KCNC2: variants seen among roughly 807,000 people sequenced by gnomAD.
The protein encoded by KCNC2 is voltage-gated potassium channel KCNC2.
In KCNC2, 21 loss-of-function variants were observed where a neutral mutation model predicts 44.5. That is an observed-to-expected ratio of 0.47 (90% CI 0.33 to 0.68). The LOEUF (loss-of-function observed/expected upper bound fraction) is 0.68, where lower values mean the gene tolerates loss of function less well. Ranked by LOEUF, KCNC2 falls within the 30% of genes least tolerant of loss-of-function variation. The pLI, the probability that KCNC2 is intolerant of heterozygous loss-of-function variation, is 0.01. For missense variants in KCNC2, 589 were observed against 826.2 expected (o/e 0.71, Z 3.52); for synonymous variants, 391 against 339.1 (o/e 1.15, Z -1.68).
chr12:75,060,972 C>T (rs1882261122), intron 2 of KCNC2, among the ~76,000 whole-genome samples: 1 of 152,126 alleles, frequency 6.6e-6, no homozygotes, highest in South Asian at 2.1e-4. Flanking sequence ...ACTCAGTAAT[C>T]ACACAGTCTT....
At chr12:75,145,681 G>A (rs1889971713) in intron 2 of KCNC2, among the ~76,000 whole-genome samples, 1 of 152,066 alleles carries the variant, frequency 6.6e-6, no homozygotes, top group Admixed American at 6.5e-5. Context: ...AAGGATAGTA[G>A]AAAGATAATT....
intron 4 of KCNC2, among the ~76,000 whole-genome samples, chr12:75,047,887 A>G (rs183837891): frequency 6.6e-6 from 1 of 152,232 alleles, no homozygotes; most frequent in East Asian, 1.9e-4. Context: ...TAATATTTAC[A>G]TATTCCATTC....
At chr12:75,110,132 T>A (rs952316699) in intron 2 of KCNC2, among the ~76,000 whole-genome samples, 3 of 151,928 alleles carry the variant, frequency 2.0e-5, no homozygotes, top group African/African-American at 7.2e-5. Flanking sequence ...AAGCCAACAA[T>A]AGACAAAACG....
chr12:75,101,735 G>T lies in KCNC2; in HGVS notation c.688-50418C>A, dbSNP rs187815266. The stretch of plus-strand genomic sequence containing the variant: ...GGTGTAAGACTAGTAATACTATAGG[G>T]TTCTTCCTTATTCTCAGCACCAGTG... On this transcript the variant is annotated intron_variant, in intron 2 of 4. Coordinates refer to ENST00000549446, the MANE Select transcript of KCNC2 (RefSeq NM_139137.4). Among the ~76,000 whole-genome samples the T allele has an allele frequency of 2.5e-4, 38 of 152,064 alleles. No homozygotes were observed. The East Asian group carries it at 7.1e-3, about 29-fold the overall frequency.
At chr12:75,108,867 T>C (rs1416106872) in intron 2 of KCNC2, among the ~76,000 whole-genome samples, 1 of 152,188 alleles carries the variant, frequency 6.6e-6, no homozygotes, top group African/African-American at 2.4e-5. Context: ...ATAGGAAATA[T>C]TATTCCAAAA....
At chr12:75,056,325 A>C (rs1389185125) in intron 2 of KCNC2, among the ~76,000 whole-genome samples, 2 of 152,080 alleles carry the variant, frequency 1.3e-5, no homozygotes, top group African/African-American at 4.8e-5. Context: ...AAACTTAAAA[A>C]ATATAAGGCT....
At chr12:75,134,251 G>A (rs1264902787) in intron 2 of KCNC2, among the ~76,000 whole-genome samples, 1 of 151,826 alleles carries the variant, frequency 6.6e-6, no homozygotes, top group Non-Finnish European at 1.5e-5. Flanking sequence ...TTAAAGCATA[G>A]TGAACTGCCT....
chr12:75,177,198 G>T (rs1892249778), intron 2 of KCNC2, among the ~76,000 whole-genome samples: 1 of 151,554 alleles, frequency 6.6e-6, no homozygotes, highest in Non-Finnish European at 1.5e-5. Context: ...TTAATGGGAA[G>T]ATTTACGTTA....
chr12:75,171,003 T>C (rs115885221), intron 2 of KCNC2, among the ~76,000 whole-genome samples: 68 of 151,868 alleles, frequency 4.5e-4, no homozygotes, highest in African/African-American at 1.6e-3. Context: ...TTTCAGTTCC[T>C]AGAGGCCACT....
At position 75,103,467 on chromosome 12, in the gene KCNC2, C is replaced by G. The variant is rs921667883; in HGVS notation, c.688-52150G>C. ...TTCTTATTCTTCACTGCCAGGGGTA[C>G]TTTTATATTGTCACTTAATATCAAC... On this transcript the variant is annotated intron_variant, in intron 2 of 4. Transcript: ENST00000549446. Among the ~76,000 whole-genome samples, 4 of 152,124 alleles carry G rather than the reference C, an allele frequency of 2.6e-5. No homozygotes were observed. In the East Asian group the frequency reaches 5.8e-4, roughly 22 times the overall value.
intron 2 of KCNC2, among the ~76,000 whole-genome samples, chr12:75,140,458 G>A (rs1385684730): frequency 6.6e-6 from 1 of 152,122 alleles, no homozygotes; most frequent in Non-Finnish European, 1.5e-5. Context: ...AATAGTAAAA[G>A]TTAGAATAGT....
chr12:75,085,730 C>T (rs2137103717), intron 2 of KCNC2, among the ~76,000 whole-genome samples: 1 of 152,082 alleles, frequency 6.6e-6, no homozygotes, highest in African/African-American at 2.4e-5. Context: ...TACTTATAGG[C>T]CTTTACTTCA....
intron 2 of KCNC2, among the ~76,000 whole-genome samples, chr12:75,116,188 AG>A (rs1249985650): frequency 1.3e-5 from 2 of 152,186 alleles, no homozygotes; most frequent in Non-Finnish European, 2.9e-5. Flanking sequence ...TCACCATTTG[AG>A]GGTCATCAAG....
intron 2 of KCNC2, among the ~76,000 whole-genome samples, chr12:75,088,105 C>T (rs2137116253): frequency 6.6e-6 from 1 of 152,076 alleles, no homozygotes; most frequent in African/African-American, 2.4e-5. Flanking sequence ...AACATATTTA[C>T]TCTCATCTGT....
intron 2 of KCNC2, among the ~76,000 whole-genome samples, chr12:75,052,446 T>C (rs948095038): frequency 4.6e-5 from 7 of 152,106 alleles, no homozygotes; most frequent in Non-Finnish European, 8.8e-5. Flanking sequence ...ATCCAGCTGT[T>C]TGAATGAATG....
chr12:75,041,900 C>T lies in KCNC2; in HGVS notation c.*1205G>A. 1.0e-6 allele frequency: 1 copy of T among 992,544 alleles called. No homozygotes were observed. Among genetic ancestry groups the T allele is most frequent in the Non-Finnish European group, 1.2e-6 (1 of 834,918 alleles). 61.5% of individuals were successfully genotyped at this position (992,544 alleles called of 1,614,324 possible). A position where few individuals can be genotyped will look rare whatever the true frequency, so the allele number is the denominator to read the frequency against. ...AGGGAGTAAATATTAAAATCATAAA[C>T]ATCTTACAGAGGCATTTCTGTGCTT... On this transcript the variant is annotated 3_prime_UTR_variant, in exon 5 of 5. Transcript: ENST00000549446.
At chr12:75,075,143 T>C (rs920261517) in intron 2 of KCNC2, among the ~76,000 whole-genome samples, 20 of 152,106 alleles carry the variant, frequency 1.3e-4, no homozygotes, top group Non-Finnish European at 2.4e-4. Context: ...TTAAAAACAA[T>C]ATTGGAAGTC....
At chr12:75,181,634 G>A (rs1892581382) in intron 2 of KCNC2, among the ~76,000 whole-genome samples, 1 of 152,050 alleles carries the variant, frequency 6.6e-6, no homozygotes, top group Non-Finnish European at 1.5e-5. Context: ...ACTAATAAGA[G>A]TATAATGTCC....
intron 2 of KCNC2, among the ~76,000 whole-genome samples, chr12:75,058,106 A>T (rs1366488681): frequency 6.6e-6 from 1 of 152,036 alleles, no homozygotes; most frequent in East Asian, 1.9e-4. Flanking sequence ...ATCAATTATG[A>T]ACATATAGTA....
Sources: allele counts gnomAD v4.1 joint callset (sites outside exome capture counted in the v4.1 genomes callset), GRCh38; gene constraint gnomAD v4.1.1; transcripts MANE v1.5; gene names NCBI Gene and HGNC (gene_info 2026-07-23, HGNC 2026-07-21).